The following CABP4 variants were observed in gnomAD, a reference collection of about 807,000 sequenced individuals.
CABP4 encodes the protein calcium binding protein 4, also known as calcium-binding protein 4.
A neutral mutation model predicts 30.7 loss-of-function variants in CABP4; 30 were observed. That is an observed-to-expected ratio of 0.98 (90% CI 0.73 to 1.33). The LOEUF is 1.33. CABP4 is among the 40% of genes most tolerant of loss of function. CABP4 has a pLI of 0.00. For missense variants in CABP4, 424 were observed against 395.5 expected (o/e 1.07, Z -0.61); for synonymous variants, 161 against 159.2 (o/e 1.01, Z -0.08).
intron 3 of CABP4, 133 bp from the exon 4 acceptor site, chr11:67,457,440 C>T (rs1187514073): frequency 9.2e-6 from 7 of 760,910 alleles, no homozygotes; most frequent in Non-Finnish European, 9.2e-6. Flanking sequence ...CTCCTATCTG[C>T]TGCAGGCGTG....
upstream of CABP4, chr11:67,452,997 C>CGT: frequency 2.6e-6 from 1 of 378,284 alleles, no homozygotes. Flanking sequence ...AGGGCTCAAC[C>CGT]CAGACTTTTC....
Position 67,458,445 on chromosome 11 carries a change from G to C in CABP4, c.726G>C (p.Pro242=), listed in dbSNP as rs369587170. 1.2e-6 allele frequency: 2 copies of C among 1,613,904 alleles called. No individual in the cohort carries two copies. The highest frequency in any genetic ancestry group is 4.5e-5 in the East Asian group (2 of 44,870). The change falls in exon 5 of 6, where the codon CCG becomes CCC. Residue 242 remains proline, a synonymous_variant. Transcript: ENST00000325656. ...REAVPALLGE[P]LAGPELDEML... is the part of the protein sequence containing the mutation. ...CGGTACCGGCTCTGCTCGGGGAGCC[G>C]CTGGCGGGTCCTGAGCTGGACGAGA...
Position 67,456,450 on chromosome 11 carries a change from A to T in CABP4, c.541+8A>T, listed in dbSNP as rs1638565. On this transcript the variant is annotated splice_region_variant and intron_variant, in intron 3 of 5. Transcript: ENST00000325656. ...AGCACATCAAGATGCGCAGTCAGTC[A>T]GGGAGCCCGCCCGCCCGGGCAGCCT... The T allele has an allele frequency of 2.5e-5, 40 of 1,607,580 alleles. No homozygotes were observed. The Middle Eastern group carries it at 4.9e-4, about 20-fold the overall frequency.
intron 4 of CABP4, 96 bp from the exon 5 acceptor site, chr11:67,458,275 T>A: frequency 9.9e-7 from 1 of 1,009,222 alleles, no homozygotes; most frequent in Non-Finnish European, 1.3e-6. Context: ...AAAATAAAAA[T>A]AAATAAAATA....
rs369080675 is a variant in CABP4, at chr11:67,455,759, C to T, written c.336C>T (p.Tyr112=). 2.8e-5 allele frequency: 44 copies of T among 1,590,160 alleles called. No individual in the cohort carries two copies. The highest frequency in any genetic ancestry group is 1.3e-4 in the African/African-American group (10 of 74,662). The change falls in exon 1 of 6, where the codon TAC becomes TAT. Residue 112 remains tyrosine, a synonymous_variant. Transcript: ENST00000325656. ...DSLHDAAQRT[Y]GPLLNRVFGK... is the part of the protein sequence containing the mutation. ...TGCACGACGCTGCTCAGAGGACATA[C>T]GGGCCCCTGCTCAATCGAGTCTTCG...
chr11:67,456,473 C>G (rs764034580), intron 3 of CABP4, 31 bp downstream of exon 3: 5 of 1,603,884 alleles, frequency 3.1e-6, no homozygotes, highest in Non-Finnish European at 4.2e-6. Context: ...GCCCGGGCAG[C>G]CTGCGTAGTT....
rs1378761960 is a variant in CABP4 at position 67,460,349 on chromosome 11, G to C, written c.*1690G>C. On this transcript the variant is annotated 3_prime_UTR_variant, in exon 6 of 6. Transcript: ENST00000325656. The stretch of plus-strand genomic sequence containing the variant: ...GTGGTGCTTGCATCTGTGGTCCCAG[G>C]TATTCTACAGGCTGAGGTGGGAGGA... The C allele has an allele frequency of 6.6e-6, 1 of 151,992 alleles. No homozygotes were observed. The highest frequency in any genetic ancestry group is 2.4e-5 in the African/African-American group (1 of 41,380). The allele number at this position is 151,992 out of a possible 1,614,324, so 9.4% of individuals were successfully genotyped here. A position where few individuals can be genotyped will look rare whatever the true frequency, so the allele number is the denominator to read the frequency against.
At chr11:67,452,431 C>T (rs376157455), upstream of CABP4, 54 of 1,612,466 alleles carry the variant, frequency 3.3e-5, no homozygotes, top group Admixed American at 5.0e-5. Context: ...CTGTCCCCAG[C>T]GGCCAGTGTC....
chr11:67,457,996 C>T (rs561830046), intron 4 of CABP4, among the ~76,000 whole-genome samples: 1 of 152,158 alleles, frequency 6.6e-6, no homozygotes, highest in African/African-American at 2.4e-5. Context: ...CGGTGGCTCA[C>T]GCCTGCAATC....
intron 3 of CABP4, 139 bp from the exon 4 acceptor site, chr11:67,457,434 T>C (rs770027878): frequency 5.4e-5 from 40 of 741,692 alleles, no homozygotes; most frequent in Middle Eastern, 2.9e-4. Flanking sequence ...TCCAGCCTCC[T>C]ATCTGCTGCA....
upstream of CABP4, chr11:67,452,809 G>A: frequency 9.2e-7 from 1 of 1,086,392 alleles, no homozygotes; most frequent in South Asian, 1.6e-5. Context: ...GGGAGAGACG[G>A]TGCTGTGCAT....
At chr11:67,457,120 T>G (rs113057030) in intron 3 of CABP4, among the ~76,000 whole-genome samples, 5 of 152,348 alleles carry the variant, frequency 3.3e-5, no homozygotes, top group African/African-American at 1.2e-4. Context: ...TTTGAGTGAC[T>G]GATGGCATCT....
rs1864730015 is a variant in CABP4 at position 67,455,447 on chromosome 11, G to A, written c.24G>A (p.Gly8=). MTTEQAR[G]QQGPNLAIGR... is the part of the protein sequence containing the mutation. ...CCATGACCACAGAGCAGGCAAGGGGGCAGCAGGGCCCAAATCTGGCCATTG... is the reference window on the plus strand; with the variant it reads ...CCATGACCACAGAGCAGGCAAGGGGACAGCAGGGCCCAAATCTGGCCATTG... Residue 8 remains glycine, a synonymous_variant, in exon 1 of 6, where the codon GGG becomes GGA. Coordinates refer to ENST00000325656, the MANE Select transcript of CABP4 (RefSeq NM_145200.5). 1 of 1,611,398 alleles carries A rather than the reference G, an allele frequency of 6.2e-7. No homozygotes were observed. Among genetic ancestry groups the A allele is most frequent in the African/African-American group, 1.3e-5 (1 of 75,040 alleles).
chr11:67,456,104 A>T (rs372735917), intron 1 of CABP4, 84 bp from the exon 2 acceptor site: 1 of 1,611,714 alleles, frequency 6.2e-7, no homozygotes, highest in African/African-American at 1.3e-5. Context: ...GGCCCTGCCC[A>T]GGCCAACATG....
At chr11:67,458,309 T>A in intron 4 of CABP4, 62 bp from the exon 5 acceptor site, 1 of 1,313,030 alleles carries the variant, frequency 7.6e-7, no homozygotes, top group Non-Finnish European at 1.0e-6. Flanking sequence ...AATAAAAGAG[T>A]GGAGCTGGCT....
At chr11:67,457,848 C>T (rs890781309) in intron 4 of CABP4, among the ~76,000 whole-genome samples, 166 bp downstream of exon 4, 3 of 152,174 alleles carry the variant, frequency 2.0e-5, no homozygotes, top group Admixed American at 6.5e-5. Flanking sequence ...CTAGAGGATC[C>T]GTCCAGGGGG....
upstream of CABP4, chr11:67,453,284 C>T (rs1191700419): frequency 6.5e-6 from 1 of 153,462 alleles, no homozygotes; most frequent in Non-Finnish European, 1.4e-5. Flanking sequence ...AGGCATGAGA[C>T]ACTGTCCAGA....
rs748195294 is a variant in CABP4, at chr11:67,458,664, C to T, written c.*5C>T. Reference sequence around the variant, plus strand: ...ATGATGCTCTCCCGCCACTGAGGCTCCAGGAGGGAATATCTGTTGCCCCTG... The same window carrying T: ...ATGATGCTCTCCCGCCACTGAGGCTTCAGGAGGGAATATCTGTTGCCCCTG... On this transcript the variant is annotated 3_prime_UTR_variant, in exon 6 of 6. Transcript: ENST00000325656. 12 of 1,613,910 alleles carry T rather than the reference C, an allele frequency of 7.4e-6. No homozygotes were observed. The highest frequency in any genetic ancestry group is 1.0e-5 in the Non-Finnish European group (12 of 1,180,030).
At chr11:67,456,143 G>C (rs377222256) in intron 1 of CABP4, 45 bp from the exon 2 acceptor site, 1 of 1,612,982 alleles carries the variant, frequency 6.2e-7, no homozygotes, top group Admixed American at 1.7e-5. Context: ...AAGGATGACA[G>C]AGCCGTGGCT....
Sources: allele counts gnomAD v4.1 joint callset (sites outside exome capture counted in the v4.1 genomes callset), GRCh38; gene constraint gnomAD v4.1.1; transcripts MANE v1.5; gene names NCBI Gene and HGNC (gene_info 2026-07-23, HGNC 2026-07-21).